Variants in EIF4E observed in about 807,000 individuals in gnomAD.
EIF4E encodes the protein eukaryotic translation initiation factor 4E.
For synonymous variants in EIF4E, 71 were observed against 88.5 expected, an observed-to-expected ratio of 0.80 and a Z score of 1.11; for missense variants, 113 against 265.6, an observed-to-expected ratio of 0.43 and a Z score of 3.99.
At chr4:98,899,068 C>A (rs1030602996) in intron 2 of EIF4E, among the ~76,000 whole-genome samples, 54 of 148,584 alleles carry the variant, frequency 3.6e-4, no homozygotes, top group Non-Finnish European at 6.4e-4. Context: ...AAAAAAAAAA[C>A]CATACAATTC....
At chr4:98,900,049 T>G (rs1197576364) in intron 2 of EIF4E, among the ~76,000 whole-genome samples, 1 of 151,932 alleles carries the variant, frequency 6.6e-6, no homozygotes, top group Non-Finnish European at 1.5e-5. Flanking sequence ...TAGACTCCAT[T>G]CAAGCTGTGA....
intron 1 of EIF4E, among the ~76,000 whole-genome samples, chr4:98,902,554 T>TA (rs1157927976): frequency 1.3e-5 from 2 of 152,094 alleles, no homozygotes; most frequent in Non-Finnish European, 2.9e-5. Context: ...CTTTTTTTTT[T>TA]AAATAGCAGG....
At chr4:98,907,645 T>C (rs1174726079) in intron 1 of EIF4E, among the ~76,000 whole-genome samples, 2 of 152,280 alleles carry the variant, frequency 1.3e-5, no homozygotes, top group East Asian at 1.9e-4. Flanking sequence ...TACTGCAAAA[T>C]GGGTAGCTCA....
intron 1 of EIF4E, among the ~76,000 whole-genome samples, chr4:98,906,644 A>G (rs954416129): frequency 6.6e-6 from 1 of 152,120 alleles, no homozygotes; most frequent in African/African-American, 2.4e-5. Flanking sequence ...CAGGAGTTCT[A>G]AGGCTGCGGT....
intron 1 of EIF4E, among the ~76,000 whole-genome samples, chr4:98,907,375 T>C (rs981263567): frequency 2.0e-5 from 3 of 152,110 alleles, no homozygotes; most frequent in Admixed American, 6.6e-5. Context: ...AAATATAGCA[T>C]TGAGCTGCAA....
At chr4:98,928,789 A>C in intron 1 of EIF4E, 2 of 1,413,922 alleles carry the variant, frequency 1.4e-6, no homozygotes, top group Non-Finnish European at 1.9e-6. Context: ...TCGCATACCC[A>C]GCCCAGAACC....
chr4:98,908,843 T>C (rs1329974292), intron 1 of EIF4E, among the ~76,000 whole-genome samples: 2 of 152,200 alleles, frequency 1.3e-5, no homozygotes, highest in Non-Finnish European at 2.9e-5. Context: ...AAAGTAAACA[T>C]GTCATTTAAA....
At chr4:98,897,083 C>A in intron 2 of EIF4E, among the ~76,000 whole-genome samples, 1 of 152,172 alleles carries the variant, frequency 6.6e-6, no homozygotes, top group East Asian at 1.9e-4. Context: ...GCCCTAAGAT[C>A]CATTTTCATA....
intron 1 of EIF4E, among the ~76,000 whole-genome samples, 167 bp from the exon 2 acceptor site, chr4:98,902,149 A>ACCT (rs1382065654): frequency 6.6e-6 from 1 of 151,784 alleles, no homozygotes; most frequent in Admixed American, 6.6e-5. Flanking sequence ...GCTCACTGCA[A>ACCT]CCTCCTCCTC....
chr4:98,881,558 A>C (rs866903331), intron 6 of EIF4E, among the ~76,000 whole-genome samples: 6 of 149,692 alleles, frequency 4.0e-5, no homozygotes, highest in Admixed American at 1.3e-4. Flanking sequence ...GCATACTTAA[A>C]AACAGAAATC....
chr4:98,917,115 CACACACACACACACACACAAAA>C (rs370429796), intron 1 of EIF4E, among the ~76,000 whole-genome samples: 28,001 of 104,906 alleles, frequency 0.27, 3,373 homozygotes, highest in Non-Finnish European at 0.3. Context: ...CACACACACA[CACACACACACACACACACAAAA>C]AAAACCCAAA....
chr4:98,897,283 C>A (rs1361271390), intron 2 of EIF4E, among the ~76,000 whole-genome samples: 3 of 151,844 alleles, frequency 2.0e-5, no homozygotes, highest in African/African-American at 7.3e-5. Context: ...TATAAGAATG[C>A]CTTTGGGCCA....
intron 1 of EIF4E, among the ~76,000 whole-genome samples, chr4:98,917,851 G>A (rs1273560995): frequency 6.6e-6 from 1 of 152,138 alleles, no homozygotes. Context: ...CAAGGCAGTA[G>A]GACTGCTTGA....
chr4:98,925,601 T>C (rs1007893921), intron 1 of EIF4E, among the ~76,000 whole-genome samples: 6 of 152,222 alleles, frequency 3.9e-5, no homozygotes, highest in African/African-American at 1.4e-4. Context: ...CACATCTTCA[T>C]GTAACTCAAC....
At chr4:98,886,823 GA>G (rs1322253340) in intron 5 of EIF4E, 1 of 450,116 alleles carries the variant, frequency 2.2e-6, no homozygotes, top group Non-Finnish European at 4.1e-6. Flanking sequence ...TGAGGTTAAT[GA>G]AATGACCACA....
intron 1 of EIF4E, among the ~76,000 whole-genome samples, chr4:98,918,214 A>G (rs1256057208): frequency 6.6e-6 from 1 of 151,044 alleles, no homozygotes; most frequent in Non-Finnish European, 1.5e-5. Flanking sequence ...AACACAAACA[A>G]TTAGCTGGAT....
chr4:98,888,313 C>T (rs1016982137), intron 3 of EIF4E, among the ~76,000 whole-genome samples: 1 of 151,262 alleles, frequency 6.6e-6, no homozygotes, highest in African/African-American at 2.4e-5. Flanking sequence ...GTTTTTTTCA[C>T]AAACATAAAA....
At chr4:98,889,386 AATG>A (rs1191806931) in intron 3 of EIF4E, among the ~76,000 whole-genome samples, 1 of 152,196 alleles carries the variant, frequency 6.6e-6, no homozygotes, top group Non-Finnish European at 1.5e-5. Context: ...TCATAAAATG[AATG>A]GATATTGTGG....
chr4:98,885,682 G>GT (rs1261837129), intron 5 of EIF4E, among the ~76,000 whole-genome samples: 3 of 152,140 alleles, frequency 2.0e-5, no homozygotes, highest in Non-Finnish European at 2.9e-5. Flanking sequence ...GAACTCCTGA[G>GT]TTTAAGTGAA....
Sources: allele counts gnomAD v4.1 joint callset (sites outside exome capture counted in the v4.1 genomes callset), GRCh38; gene constraint gnomAD v4.1.1; transcripts MANE v1.5; gene names NCBI Gene and HGNC (gene_info 2026-07-23, HGNC 2026-07-21).